The following REEP6 variants were observed in gnomAD, a reference collection of about 807,000 sequenced individuals.
REEP6 encodes receptor accessory protein 6, also known as receptor expression-enhancing protein 6.
A neutral mutation model predicts 22.4 loss-of-function variants in REEP6; 19 were observed. The ratio of observed to expected loss-of-function variants is 0.85; its 90% confidence interval spans 0.59 to 1.25. REEP6 has a LOEUF of 1.25. REEP6 is among the 50% of genes most tolerant of loss of function. REEP6 has a pLI of 0.00. For missense variants in REEP6, 273 were observed against 251.9 expected (o/e 1.08, Z -0.57); for synonymous variants, 121 against 113.6 (o/e 1.06, Z -0.41).
Position 1,497,062 on chromosome 19 carries a change from G to T in REEP6, c.518-112G>T, listed in dbSNP as rs1299152648. 2 of 893,364 alleles carry T rather than the reference G, an allele frequency of 2.2e-6. No homozygotes were observed. Among genetic ancestry groups the T allele is most frequent in the Admixed American group, 3.2e-5 (1 of 31,612 alleles). The allele number at this position is 893,364 out of a possible 1,614,324, so 55.3% of individuals were successfully genotyped here. A position where few individuals can be genotyped will look rare whatever the true frequency, so the allele number is the denominator to read the frequency against. On this transcript the variant is annotated intron_variant, in intron 4 of 4. Transcript: ENST00000233596. The surrounding 1 kb of genome is among the most constrained non-coding windows in gnomAD (Gnocchi z 6.5). ...CCATCTCTGCTGAGGGTGGCTGCCC[G>T]GCCCCTCGACTTGTCATGCTCATAG...
chr19:1,496,807 G>C (rs1357191889), intron 4 of REEP6: 1 of 585,574 alleles, frequency 1.7e-6, no homozygotes, highest in Non-Finnish European at 3.1e-6. Flanking sequence ...AAGAGGGTGC[G>C]TGTGCATGGG....
At chr19:1,496,725 C>CGT (rs2085011341) in intron 4 of REEP6, 2 of 652,664 alleles carry the variant, frequency 3.1e-6, no homozygotes, top group South Asian at 1.5e-5. Flanking sequence ...TGTGCGCGCG[C>CGT]GCGCGCGTGT....
Position 1,497,144 on chromosome 19 carries a change from GCCC to G in REEP6, c.518-29_518-27del. The G allele has an allele frequency of 1.5e-6, 2 of 1,328,120 alleles. No homozygotes were observed. The highest frequency in any genetic ancestry group is 2.0e-6 in the Non-Finnish European group (2 of 992,330). The allele number at this position is 1,328,120 out of a possible 1,614,324, so 82.3% of individuals were successfully genotyped here. Reference sequence around the variant, plus strand: ...CCGGGGAGCCCAGGCCTGCCTCACGGCCCTCCCCCACCCGCCCCTCTCTCTGCA... The same window carrying G: ...CCGGGGAGCCCAGGCCTGCCTCACGGTCCCCCACCCGCCCCTCTCTCTGCA... On this transcript the variant is annotated intron_variant, in intron 4 of 4. Transcript: ENST00000233596. The surrounding 1 kb of genome is among the most constrained non-coding windows in gnomAD (Gnocchi z 6.5).
intron 1 of REEP6, among the ~76,000 whole-genome samples, chr19:1,494,302 C>G (rs1023835720): frequency 6.6e-6 from 1 of 152,090 alleles, no homozygotes; most frequent in Non-Finnish European, 1.5e-5. Context: ...AGGAGGTTCT[C>G]AAAGGGGGTA....
intron 1 of REEP6, among the ~76,000 whole-genome samples, chr19:1,493,427 G>C (rs1333411812): frequency 6.6e-6 from 1 of 152,032 alleles, no homozygotes; most frequent in African/African-American, 2.4e-5. Context: ...ACTAAAGCAG[G>C]TGGGAGGGGC....
In REEP6 at chr19:1,497,069, C is replaced by T. The variant is rs1179839166; in HGVS notation, c.518-105C>T. 7.1e-6 allele frequency: 7 copies of T among 985,362 alleles called. No homozygotes were observed. Among genetic ancestry groups the T allele is most frequent in the African/African-American group, 3.3e-5 (2 of 61,158 alleles). The allele number at this position is 985,362 out of a possible 1,614,324, so 61.0% of individuals were successfully genotyped here. A position where few individuals can be genotyped will look rare whatever the true frequency, so the allele number is the denominator to read the frequency against. Reference sequence around the variant, plus strand: ...TGCTGAGGGTGGCTGCCCGGCCCCTCGACTTGTCATGCTCATAGCCAGTAG... The same window carrying T: ...TGCTGAGGGTGGCTGCCCGGCCCCTTGACTTGTCATGCTCATAGCCAGTAG... On this transcript the variant is annotated intron_variant, in intron 4 of 4. Transcript: ENST00000233596. The surrounding 1 kb of genome is among the most constrained non-coding windows in gnomAD (Gnocchi z 6.5).
chr19:1,496,662 G>A (rs1038646824), intron 4 of REEP6: 1 of 736,778 alleles, frequency 1.4e-6, no homozygotes, highest in Admixed American at 2.0e-5. Context: ...CACTCCCCTG[G>A]AAGCTGACCG....
Position 1,497,100 on chromosome 19 carries a change from G to A in REEP6, c.518-74G>A. ...GTCATGCTCATAGCCAGTAGCCTCA[G>A]TCCCGCCTGCGAGCAGCTCCGGGGA... On this transcript the variant is annotated intron_variant, in intron 4 of 4. Transcript: ENST00000233596. This position sits in a 1 kb window ranked among gnomAD's most constrained non-coding sequence, Gnocchi z 6.5. The A allele has an allele frequency of 1.6e-6, 2 of 1,227,278 alleles. No homozygotes were observed. Among genetic ancestry groups the A allele is most frequent in the Non-Finnish European group, 2.2e-6 (2 of 901,486 alleles). 76.0% of individuals were successfully genotyped at this position (1,227,278 alleles called of 1,614,324 possible). A position where few individuals can be genotyped will look rare whatever the true frequency, so the allele number is the denominator to read the frequency against.
intron 3 of REEP6, 21 bp downstream of exon 3, chr19:1,495,628 C>T: frequency 6.2e-7 from 1 of 1,613,820 alleles, no homozygotes; most frequent in South Asian, 1.1e-5. Context: ...CCAGGGCGGG[C>T]ACAGCCGTGG....
chr19:1,496,543 C>G (rs769307102), intron 4 of REEP6, 90 bp downstream of exon 4: 21 of 1,436,972 alleles, frequency 1.5e-5, no homozygotes, highest in Non-Finnish European at 2.0e-5. Context: ...TGACTTTGGC[C>G]GCCCCCTCTC....
chr19:1,496,921 T>TGCGTGTGACCATGTGTGC (rs1462343197), intron 4 of REEP6, among the ~76,000 whole-genome samples: 1 of 152,190 alleles, frequency 6.6e-6, no homozygotes, highest in African/African-American at 2.4e-5. Flanking sequence ...TATATGTGTG[T>TGCGTGTGACCATGTGTGC]GCGTGTGACC....
At chr19:1,493,533 G>C (rs1184703074) in intron 1 of REEP6, among the ~76,000 whole-genome samples, 2 of 152,080 alleles carry the variant, frequency 1.3e-5, no homozygotes, top group Non-Finnish European at 2.9e-5. Context: ...GGCTGTCCAA[G>C]CTCTCTGGAG....
In REEP6 at chr19:1,495,455, C is replaced by T. The variant is rs144725783; in HGVS notation, c.210-14C>T. On this transcript the variant is annotated splice_polypyrimidine_tract_variant and intron_variant, in intron 2 of 4. Coordinates refer to ENST00000233596, the MANE Select transcript of REEP6 (RefSeq NM_138393.4). ...TCCCTGGCAGCCCCTGACCCTGCTGCACCCTCCCTGCAGAATCAAAGCTAT... is the reference window on the plus strand; with the variant it reads ...TCCCTGGCAGCCCCTGACCCTGCTGTACCCTCCCTGCAGAATCAAAGCTAT... 6.3e-4 allele frequency: 1,018 copies of T among 1,613,868 alleles called. 9 individuals are homozygous for T. The East Asian group carries it at 0.018, about 28-fold the overall frequency.
In REEP6 at chr19:1,496,507, GTCTC is replaced by G. The variant is rs756541539; in HGVS notation, c.517+59_517+62del. ...CAGGCCATCTCCCGGGTCTGGACCT[GTCTC>G]TCTCCACCTTGCCTCCCTTTCTGAC... On this transcript the variant is annotated intron_variant, in intron 4 of 4. Coordinates refer to ENST00000233596, the MANE Select transcript of REEP6 (RefSeq NM_138393.4). The G allele has an allele frequency of 8.2e-4, 1,309 of 1,587,718 alleles. 3 individuals are homozygous for G. The African/African-American group carries it at 0.013, about 16-fold the overall frequency.
At chr19:1,493,590 G>A (rs910769963) in intron 1 of REEP6, among the ~76,000 whole-genome samples, 2 of 150,674 alleles carry the variant, frequency 1.3e-5, no homozygotes, top group African/African-American at 4.8e-5. Flanking sequence ...CCCACCCCCA[G>A]TTTTGGCTGT....
At position 1,497,622 on chromosome 19, in the gene REEP6, G is replaced by T; in HGVS notation, c.*411G>T. On this transcript the variant is annotated 3_prime_UTR_variant, in exon 5 of 5. Transcript: ENST00000233596. This position sits in a 1 kb window ranked among gnomAD's most constrained non-coding sequence, Gnocchi z 6.5. ...CACCTCCAGCCCGGTCTCACCCATG[G>T]TCCAGTCTCCCAGCAGCAGCAACAT... 5 of 504,538 alleles carry T rather than the reference G, an allele frequency of 9.9e-6. 1 individual carries two copies. Among genetic ancestry groups the T allele is most frequent in the South Asian group, 7.7e-5 (5 of 64,822 alleles). The allele number at this position is 504,538 out of a possible 1,614,324, so 31.3% of individuals were successfully genotyped here. A position where few individuals can be genotyped will look rare whatever the true frequency, so the allele number is the denominator to read the frequency against.
At position 1,496,288 on chromosome 19, in the gene REEP6, G is replaced by A. The variant is rs745761712; in HGVS notation, c.352G>A (p.Ala118Thr). 5.9e-5 allele frequency: 94 copies of A among 1,604,294 alleles called. No homozygotes were observed. In the East Asian group the frequency reaches 8.7e-4, roughly 15 times the overall value. Reference protein sequence around the residue: ...WFPFYYVGKCAFLLFCMAPRP... With the variant: ...WFPFYYVGKCTFLLFCMAPRP... Reference sequence around the variant, plus strand: ...TAACTCCTGCCCCGCCCTGCAGTGCGCCTTCCTGTTGTTCTGCATGGCTCC... The same window carrying A: ...TAACTCCTGCCCCGCCCTGCAGTGCACCTTCCTGTTGTTCTGCATGGCTCC... Residue 118 changes from alanine (A) to threonine (T), a missense_variant, in exon 4 of 5, where the codon GCC becomes ACC. Ala to Thr is a moderately conservative substitution (Grantham distance 58). Coordinates refer to ENST00000233596, the MANE Select transcript of REEP6 (RefSeq NM_138393.4).
intron 4 of REEP6, 102 bp downstream of exon 4, chr19:1,496,555 C>T: frequency 7.6e-7 from 1 of 1,316,434 alleles, no homozygotes. Context: ...CCCCCTCTCA[C>T]TGTCCGCCTC....
At chr19:1,496,084 C>G (rs2085003759) in intron 3 of REEP6, 5 of 628,666 alleles carry the variant, frequency 8.0e-6, no homozygotes, top group Non-Finnish European at 1.4e-5. Context: ...GGAGGGCTCA[C>G]TCTAGAGGGT....
Sources: allele counts gnomAD v4.1 joint callset (sites outside exome capture counted in the v4.1 genomes callset), GRCh38; gene constraint gnomAD v4.1.1; non-coding constraint Gnocchi (gnomAD v3.1); transcripts MANE v1.5; gene names NCBI Gene and HGNC (gene_info 2026-07-23, HGNC 2026-07-21).